NRXN1: variants seen among roughly 807,000 people sequenced by gnomAD.
NRXN1 encodes neurexin 1, also known as neurexin-1.
A neutral mutation model predicts 150.9 loss-of-function variants in NRXN1; 39 were observed. That is an observed-to-expected ratio of 0.26 (90% CI 0.20 to 0.34). The LOEUF (loss-of-function observed/expected upper bound fraction) is 0.34. NRXN1 is among the 10% of genes least tolerant of loss of function. The probability of loss-of-function intolerance (pLI) is 1.00; values close to 1 mark genes in which losing one functional copy is unlikely to be tolerated. For missense variants in NRXN1, 1,815 were observed against 1,949.9 expected (o/e 0.93, Z 1.30); for synonymous variants, 924 against 757.0 (o/e 1.22, Z -3.62).
chr2:51,024,794 T>TA (rs2105306939), intron 2 of NRXN1, among the ~76,000 whole-genome samples: 1 of 152,306 alleles, frequency 6.6e-6, no homozygotes, highest in East Asian at 1.9e-4. Context: ...GGACCAGAGA[T>TA]AAACTGAATT....
At chr2:50,950,993 G>A (rs1001475853) in intron 2 of NRXN1, among the ~76,000 whole-genome samples, 3 of 152,202 alleles carry the variant, frequency 2.0e-5, no homozygotes, top group Admixed American at 1.3e-4. Flanking sequence ...AATGGCAGTG[G>A]ACTGAAATTT....
intron 18 of NRXN1, among the ~76,000 whole-genome samples, chr2:50,172,411 A>G (rs1424719906): frequency 1.3e-5 from 2 of 152,118 alleles, no homozygotes; most frequent in Admixed American, 1.3e-4. Flanking sequence ...TTCTTCTTGG[A>G]ATCTAGGGCA....
At chr2:50,087,489 G>A (rs1021757356) in intron 19 of NRXN1, among the ~76,000 whole-genome samples, 17 of 152,078 alleles carry the variant, frequency 1.1e-4, no homozygotes, top group Non-Finnish European at 2.4e-4. Flanking sequence ...GTGAATTAAT[G>A]TTATGAGAAA....
chr2:49,998,440 T>C (rs1683353104), intron 21 of NRXN1, among the ~76,000 whole-genome samples: 1 of 152,202 alleles, frequency 6.6e-6, no homozygotes, highest in African/African-American at 2.4e-5. Flanking sequence ...TCCCATAATA[T>C]GTACTTGGTT....
In NRXN1 at chr2:51,015,111, AT is replaced by A. The variant is rs550623876; in HGVS notation, c.772+12390del. On this transcript the variant is annotated intron_variant, in intron 2 of 22. Coordinates refer to ENST00000401669, the MANE Select transcript of NRXN1 (RefSeq NM_001330078.2). ...ACTAACCAGATGTGTGATTTTTTAA[AT>A]TTTAAACCAACAGTTCTCAATGTCC... Among the ~76,000 whole-genome samples the A allele has an allele frequency of 1.4e-4, 21 of 152,124 alleles. No individual in the cohort carries two copies. In the South Asian group the frequency reaches 4.4e-3, roughly 32 times the overall value.
At chr2:50,423,450 C>T (rs2084160861) in intron 17 of NRXN1, among the ~76,000 whole-genome samples, 1 of 151,236 alleles carries the variant, frequency 6.6e-6, no homozygotes, top group Admixed American at 6.6e-5. Flanking sequence ...CTCAATGGGC[C>T]ATCTTATTCT....
At chr2:50,338,506 T>C (rs2077333489) in intron 17 of NRXN1, among the ~76,000 whole-genome samples, 1 of 152,166 alleles carries the variant, frequency 6.6e-6, no homozygotes, top group South Asian at 2.1e-4. Context: ...CATGTTCCAG[T>C]ATTATTTCTC....
intron 8 of NRXN1, among the ~76,000 whole-genome samples, chr2:50,570,756 T>C (rs1467882858): frequency 2.0e-5 from 3 of 151,638 alleles, no homozygotes; most frequent in Non-Finnish European, 4.4e-5. Flanking sequence ...ATATATAACA[T>C]AGCAATGCTC....
intron 15 of NRXN1, among the ~76,000 whole-genome samples, chr2:50,478,859 A>T (rs1184480595): frequency 3.9e-5 from 6 of 152,202 alleles, no homozygotes; most frequent in Non-Finnish European, 8.8e-5. Flanking sequence ...ACTACTGCCA[A>T]GGGGTGAATG....
At chr2:50,662,064 G>A (rs931796869) in intron 5 of NRXN1, among the ~76,000 whole-genome samples, 4 of 152,040 alleles carry the variant, frequency 2.6e-5, no homozygotes, top group East Asian at 1.9e-4. Flanking sequence ...GAGTCTGAGG[G>A]TACATGTACA....
intron 13 of NRXN1, among the ~76,000 whole-genome samples, chr2:50,500,170 A>T (rs2091874224): frequency 6.6e-6 from 1 of 152,138 alleles, no homozygotes; most frequent in African/African-American, 2.4e-5. Context: ...CCAGTTGTCA[A>T]GTTCTTACCA....
At chr2:50,564,333 GA>G (rs1669541480) in intron 8 of NRXN1, among the ~76,000 whole-genome samples, 1 of 152,136 alleles carries the variant, frequency 6.6e-6, no homozygotes, top group Non-Finnish European at 1.5e-5. Flanking sequence ...AAATGGGTAA[GA>G]GGGGAGTGTT....
rs375728617 is a variant in NRXN1, at chr2:49,992,363, C to G, written c.4129-48572G>C. Among the ~76,000 whole-genome samples, 103 of 150,872 alleles carry G rather than the reference C, an allele frequency of 6.8e-4. No homozygotes were observed. In the East Asian group the frequency reaches 8.5e-3, roughly 12 times the overall value. On this transcript the variant is annotated intron_variant, in intron 21 of 22. Transcript: ENST00000401669. ...GACCATCCTGGACAACATGGTGAAACTCCGTCTCTACTAAAATACAAACAA... is the reference window on the plus strand; with the variant it reads ...GACCATCCTGGACAACATGGTGAAAGTCCGTCTCTACTAAAATACAAACAA...
chr2:50,635,191 T>G (rs1008171903), intron 5 of NRXN1, among the ~76,000 whole-genome samples: 5 of 151,674 alleles, frequency 3.3e-5, no homozygotes, highest in African/African-American at 1.2e-4. Context: ...AGAGTCTCGC[T>G]CTGTCACCCA....
At chr2:50,846,172 G>C (rs1360708820) in intron 5 of NRXN1, among the ~76,000 whole-genome samples, 1 of 152,080 alleles carries the variant, frequency 6.6e-6, no homozygotes, top group South Asian at 2.1e-4. Context: ...TCTGAACCAC[G>C]GGTGACCTTC....
rs149267585 is a variant in NRXN1, at chr2:50,891,841, A to G, written c.832+30028T>C. 1.5e-3 allele frequency among the ~76,000 whole-genome samples: 228 copies of G among 152,160 alleles called. 6 individuals carry two copies. In the East Asian group the frequency reaches 0.034, roughly 23 times the overall value. ...GTAGCGGGCAAAGACTTCTCAACAT[A>G]TTCACTTGTTTCTTCATTCATCACC... On this transcript the variant is annotated intron_variant, in intron 5 of 22. Transcript: ENST00000401669.
intron 8 of NRXN1, among the ~76,000 whole-genome samples, chr2:50,596,940 C>A (rs140880032): frequency 1.1e-4 from 15 of 136,702 alleles, no homozygotes; most frequent in East Asian, 2.2e-4. Context: ...GATCACAGTG[C>A]GGTATAACCT....
intron 17 of NRXN1, among the ~76,000 whole-genome samples, chr2:50,397,160 C>T (rs2082103373): frequency 6.6e-6 from 1 of 151,992 alleles, no homozygotes; most frequent in Admixed American, 6.6e-5. Context: ...TCATTCTGGC[C>T]CTGTGAAGAA....
intron 5 of NRXN1, among the ~76,000 whole-genome samples, chr2:50,640,420 C>T (rs1573926405): frequency 6.6e-6 from 1 of 152,080 alleles, no homozygotes; most frequent in African/African-American, 2.4e-5. Context: ...AATTTGCATA[C>T]TGCTTATGTA....
Sources: allele counts gnomAD v4.1 joint callset (sites outside exome capture counted in the v4.1 genomes callset), GRCh38; gene constraint gnomAD v4.1.1; transcripts MANE v1.5; gene names NCBI Gene and HGNC (gene_info 2026-07-23, HGNC 2026-07-21).